CEP128: variants seen among roughly 807,000 people sequenced by gnomAD.
CEP128 encodes the protein centrosomal protein 128kDa.
Under a neutral mutation model 156.7 loss-of-function variants are expected in CEP128, and 132 were observed. The ratio of observed to expected loss-of-function variants is 0.84; its 90% confidence interval spans 0.73 to 0.97. The LOEUF (loss-of-function observed/expected upper bound fraction) is 0.97, where lower values mean the gene tolerates loss of function less well. CEP128 is among the 50% of genes least tolerant of loss of function. The pLI, the probability that CEP128 is intolerant of heterozygous loss-of-function variation, is 0.00. For missense variants in CEP128, 1,252 were observed against 1,281.9 expected, an observed-to-expected ratio of 0.98 and a Z score of 0.36; for synonymous variants, 469 against 448.9, an observed-to-expected ratio of 1.04 and a Z score of -0.57.
At chr14:80,660,743 A>T (rs1387908565) in intron 19 of CEP128, among the ~76,000 whole-genome samples, 1 of 152,200 alleles carries the variant, frequency 6.6e-6, no homozygotes, top group Non-Finnish European at 1.5e-5. Flanking sequence ...AGGGTTAGAA[A>T]TGTTACTAAT....
chr14:80,506,851 A>C (rs1566745548), intron 23 of CEP128, among the ~76,000 whole-genome samples: 1 of 152,104 alleles, frequency 6.6e-6, no homozygotes, highest in Non-Finnish European at 1.5e-5. Flanking sequence ...GAGATGATAT[A>C]GTTAGGGTAT....
intron 19 of CEP128, among the ~76,000 whole-genome samples, chr14:80,685,199 C>G (rs1896479025): frequency 6.6e-6 from 1 of 152,072 alleles, no homozygotes; most frequent in Admixed American, 6.6e-5. Flanking sequence ...CTAGAAAACT[C>G]TAAAGACTTG....
chr14:80,610,072 G>A (rs1017299244), intron 19 of CEP128, among the ~76,000 whole-genome samples: 33 of 151,996 alleles, frequency 2.2e-4, no homozygotes, highest in Non-Finnish European at 4.0e-4. Flanking sequence ...ATGGTAGCAC[G>A]TTATATACCC....
chr14:80,522,584 GC>G (rs1888793762), intron 23 of CEP128, among the ~76,000 whole-genome samples: 1 of 152,172 alleles, frequency 6.6e-6, no homozygotes, highest in African/African-American at 2.4e-5. Flanking sequence ...CATGCCTTCT[GC>G]AATTTTACTA....
chr14:80,729,996 C>T (rs1281224770), intron 19 of CEP128, among the ~76,000 whole-genome samples: 1 of 152,102 alleles, frequency 6.6e-6, no homozygotes, highest in African/African-American at 2.4e-5. Context: ...ACAGAGGCCT[C>T]ACTGATGTGG....
intron 19 of CEP128, among the ~76,000 whole-genome samples, chr14:80,597,901 T>A (rs746334805): frequency 2.8e-5 from 3 of 105,870 alleles, no homozygotes; most frequent in Non-Finnish European, 1.8e-5. Flanking sequence ...TGACCATTTA[T>A]GATAAAAATA....
At chr14:80,746,938 C>A (rs1899132293) in intron 18 of CEP128, among the ~76,000 whole-genome samples, 1 of 152,134 alleles carries the variant, frequency 6.6e-6, no homozygotes, top group South Asian at 2.1e-4. Flanking sequence ...ATAGATATTT[C>A]TCCAACGAAG....
At chr14:80,769,502 C>T (rs988980464) in intron 16 of CEP128, among the ~76,000 whole-genome samples, 5 of 151,840 alleles carry the variant, frequency 3.3e-5, no homozygotes, top group Admixed American at 6.6e-5. Context: ...TGAGAACATG[C>T]GGTGTTTGAT....
At chr14:80,490,645 A>C (rs1162546660) in exon 7 of CEP128, 1 of 152,172 alleles carries the variant, frequency 6.6e-6, no homozygotes, top group Non-Finnish European at 1.5e-5. Flanking sequence ...AACCTTTAGT[A>C]GTTAATCAAG....
chr14:80,800,400 A>G lies in CEP128; in HGVS notation c.1210-7290T>C, dbSNP rs79107022. On this transcript the variant is annotated intron_variant, in intron 13 of 24. Coordinates refer to ENST00000555265, the MANE Select transcript of CEP128 (RefSeq NM_152446.5). ...TAGCAACAATGTTAGAATTAGTGAC[A>G]TAATCCAATGTCTACATTTTACAGA... Among the ~76,000 whole-genome samples the G allele has an allele frequency of 9.2e-5, 14 of 152,352 alleles. No individual in the cohort carries two copies. In the East Asian group the frequency reaches 2.7e-3, roughly 29 times the overall value.
chr14:80,872,271 T>C (rs960913903), intron 8 of CEP128, among the ~76,000 whole-genome samples: 3 of 152,192 alleles, frequency 2.0e-5, no homozygotes, highest in Non-Finnish European at 2.9e-5. Flanking sequence ...ATTGATTGCG[T>C]ATCACCACAA....
At chr14:80,529,009 G>C (rs1889105440) in intron 22 of CEP128, among the ~76,000 whole-genome samples, 1 of 152,162 alleles carries the variant, frequency 6.6e-6, no homozygotes, top group Non-Finnish European at 1.5e-5. Flanking sequence ...AGTACATGTA[G>C]AACGGATTTT....
intron 19 of CEP128, among the ~76,000 whole-genome samples, chr14:80,615,153 C>G (rs1301044290): frequency 2.6e-5 from 4 of 152,054 alleles, no homozygotes; most frequent in Non-Finnish European, 5.9e-5. Flanking sequence ...TTTTAGACAC[C>G]AAGATCAAAT....
chr14:80,919,105 G>C (rs1756460750), intron 2 of CEP128, among the ~76,000 whole-genome samples: 1 of 152,096 alleles, frequency 6.6e-6, no homozygotes, highest in Admixed American at 6.5e-5. Context: ...TATTGAAAAA[G>C]ACAATGTGCT....
intron 20 of CEP128, among the ~76,000 whole-genome samples, chr14:80,571,167 T>C (rs987292777): frequency 2.0e-5 from 3 of 152,156 alleles, no homozygotes; most frequent in East Asian, 3.9e-4. Context: ...GACACCTATA[T>C]TGTGCTGGTC....
At chr14:80,620,458 C>T (rs1595101034) in intron 19 of CEP128, among the ~76,000 whole-genome samples, 1 of 151,956 alleles carries the variant, frequency 6.6e-6, no homozygotes. Flanking sequence ...TGCAGAATAC[C>T]ATGGGCAAAA....
At chr14:80,883,636 G>C (rs929591837) in intron 8 of CEP128, among the ~76,000 whole-genome samples, 2 of 151,938 alleles carry the variant, frequency 1.3e-5, no homozygotes, top group Admixed American at 6.6e-5. Context: ...TAGACTAGAA[G>C]AATCAATATT....
At chr14:80,874,928 GTTT>G (rs1888209782) in intron 8 of CEP128, among the ~76,000 whole-genome samples, 1 of 152,246 alleles carries the variant, frequency 6.6e-6, no homozygotes, top group South Asian at 2.1e-4. Flanking sequence ...AAATATAACT[GTTT>G]TTTAAAACAC....
At position 80,838,198 on chromosome 14, in the gene CEP128, A is replaced by C. The variant is rs1886179134; in HGVS notation, c.924+6T>G. On this transcript the variant is annotated splice_donor_region_variant and intron_variant, in intron 11 of 24. Coordinates refer to ENST00000555265, the MANE Select transcript of CEP128 (RefSeq NM_152446.5). ...AAGTATATTATAATAACTTGCATAG[A>C]CTTACCTGATGCAAAAGTGTTTCTC... The C allele has an allele frequency of 1.9e-6, 3 of 1,593,052 alleles. No individual in the cohort carries two copies. The highest frequency in any genetic ancestry group is 2.6e-6 in the Non-Finnish European group (3 of 1,161,012).
Sources: allele counts gnomAD v4.1 joint callset (sites outside exome capture counted in the v4.1 genomes callset), GRCh38; gene constraint gnomAD v4.1.1; transcripts MANE v1.5; gene names NCBI Gene and HGNC (gene_info 2026-07-23, HGNC 2026-07-21).